Variants in CLEC16A observed in about 807,000 individuals in gnomAD.
CLEC16A encodes the protein protein CLEC16A.
A neutral mutation model predicts 109.5 loss-of-function variants in CLEC16A; 51 were observed. That is an observed-to-expected ratio of 0.47 (90% CI 0.37 to 0.59). The LOEUF (loss-of-function observed/expected upper bound fraction) is 0.59. CLEC16A is among the 20% of genes least tolerant of loss of function. The pLI is 0.00. For synonymous variants in CLEC16A, 673 were observed against 564.2 expected, an observed-to-expected ratio of 1.19 and a Z score of -2.73; for missense variants, 1,339 against 1,394.0, an observed-to-expected ratio of 0.96 and a Z score of 0.63.
intron 19 of CLEC16A, among the ~76,000 whole-genome samples, chr16:11,062,197 C>T (rs947567449): frequency 4.6e-5 from 7 of 152,006 alleles, no homozygotes; most frequent in African/African-American, 9.7e-5. Context: ...AGGGAAGAGG[C>T]GACCCTCAAA....
Position 11,180,978 on chromosome 16 carries a change from G to C in CLEC16A, c.*2288G>C, listed in dbSNP as rs1257892835. Reference sequence around the variant, plus strand: ...TGCATCCCTGGCCAAGAAAAGGGCAGTCCCCATGTGGGCTTGCAGGGTCAC... The same window carrying C: ...TGCATCCCTGGCCAAGAAAAGGGCACTCCCCATGTGGGCTTGCAGGGTCAC... On this transcript the variant is annotated 3_prime_UTR_variant, in exon 24 of 24. Transcript: ENST00000409790. 2 of 152,398 alleles carry C rather than the reference G, an allele frequency of 1.3e-5. No individual in the cohort carries two copies. Among genetic ancestry groups the C allele is most frequent in the Admixed American group, 6.5e-5 (1 of 15,288 alleles). The allele number at this position is 152,398 out of a possible 1,614,324, so 9.4% of individuals were successfully genotyped here.
intron 1 of CLEC16A, among the ~76,000 whole-genome samples, chr16:10,948,041 C>A (rs1008511391): frequency 6.6e-6 from 1 of 151,996 alleles, no homozygotes; most frequent in Non-Finnish European, 1.5e-5. Flanking sequence ...CTACAGGCGC[C>A]CGCCACCACG....
rs1293574305 is a variant in CLEC16A, at chr16:10,961,012, T to C, written c.210-1443T>C. On this transcript the variant is annotated intron_variant, in intron 2 of 23. Coordinates refer to ENST00000409790, the MANE Select transcript of CLEC16A (RefSeq NM_015226.3). The surrounding 1 kb of genome is among the most constrained non-coding windows in gnomAD (Gnocchi z 4.3). Reference sequence around the variant, plus strand: ...AATTGCCCACTCCCCTATGGAGTTTTAAAAAATCTAGGTTCATGGATTTTA... The same window carrying C: ...AATTGCCCACTCCCCTATGGAGTTTCAAAAAATCTAGGTTCATGGATTTTA... Among the ~76,000 whole-genome samples, 2 of 152,174 alleles carry C rather than the reference T, an allele frequency of 1.3e-5. No individual in the cohort carries two copies. Among genetic ancestry groups the C allele is most frequent in the East Asian group, 1.9e-4 (1 of 5,194 alleles).
chr16:11,155,749 G>A (rs2054487318), intron 22 of CLEC16A, among the ~76,000 whole-genome samples: 1 of 152,218 alleles, frequency 6.6e-6, no homozygotes, highest in Non-Finnish European at 1.5e-5. Flanking sequence ...CGGTAGGAGA[G>A]ACTTTGGTGA....
intron 19 of CLEC16A, among the ~76,000 whole-genome samples, chr16:11,077,713 G>A (rs1389713331): frequency 6.6e-6 from 1 of 152,228 alleles, no homozygotes; most frequent in Non-Finnish European, 1.5e-5. Context: ...TGGAGGGTGT[G>A]AGGGGTCTCT....
In CLEC16A at chr16:11,174,197, G is replaced by A. The variant is rs1428882157; in HGVS notation, c.2807-4138G>A. The A allele has an allele frequency of 1.1e-5, 5 of 469,702 alleles. No individual in the cohort carries two copies. The highest frequency in any genetic ancestry group is 6.9e-5 in the East Asian group (1 of 14,400). 29.1% of individuals were successfully genotyped at this position (469,702 alleles called of 1,614,324 possible). ...GACGCCGACGAGTGTTCAGCCTGTC[G>A]GAGGCCGACAGTCATGGCGGCCACT... On this transcript the variant is annotated intron_variant, in intron 23 of 23. Transcript: ENST00000409790. This position sits in a 1 kb window ranked among gnomAD's most constrained non-coding sequence, Gnocchi z 4.7.
At chr16:10,999,307 G>C (rs1260290080) in intron 10 of CLEC16A, among the ~76,000 whole-genome samples, 1 of 152,180 alleles carries the variant, frequency 6.6e-6, no homozygotes, top group Non-Finnish European at 1.5e-5. Flanking sequence ...AATAAAAAAA[G>C]TGTGCTTGTG....
chr16:11,095,310 T>C (rs567912522), intron 19 of CLEC16A, among the ~76,000 whole-genome samples: 8 of 152,328 alleles, frequency 5.3e-5, no homozygotes, highest in African/African-American at 1.9e-4. Context: ...GGGTCACGGC[T>C]GGAAAGGCCC....
intron 22 of CLEC16A, among the ~76,000 whole-genome samples, chr16:11,152,738 C>A (rs972277542): frequency 1.3e-5 from 2 of 152,238 alleles, no homozygotes; most frequent in Non-Finnish European, 2.9e-5. Context: ...AGCACCTGTC[C>A]TAATGACGTT....
intron 19 of CLEC16A, among the ~76,000 whole-genome samples, chr16:11,117,243 A>G (rs1375226830): frequency 6.6e-6 from 1 of 152,218 alleles, no homozygotes; most frequent in Non-Finnish European, 1.5e-5. Context: ...AAAAATTACT[A>G]AAACTCAAAC....
chr16:11,170,060 C>T (rs976299457), intron 23 of CLEC16A, among the ~76,000 whole-genome samples: 34 of 152,334 alleles, frequency 2.2e-4, no homozygotes, highest in African/African-American at 8.2e-4. Flanking sequence ...GCCTTGGCAG[C>T]CCTAAAGCCC....
chr16:11,065,606 G>C (rs1232730836), intron 19 of CLEC16A, among the ~76,000 whole-genome samples: 1 of 152,228 alleles, frequency 6.6e-6, no homozygotes, highest in Non-Finnish European at 1.5e-5. Context: ...TTAAGTAAAT[G>C]CATGATCACA....
chr16:11,125,127 G>A (rs1045905212), intron 21 of CLEC16A, among the ~76,000 whole-genome samples: 6 of 152,142 alleles, frequency 3.9e-5, no homozygotes, highest in Non-Finnish European at 5.9e-5. Context: ...GGGCGTTACC[G>A]ATGCGATGAT....
intron 19 of CLEC16A, among the ~76,000 whole-genome samples, chr16:11,073,757 C>A (rs77576098): frequency 1.3e-5 from 2 of 152,308 alleles, no homozygotes; most frequent in Non-Finnish European, 2.9e-5. Context: ...GTGCGCTTAC[C>A]GCTCTGTATA....
At chr16:11,020,823 A>T (rs1379689871) in intron 12 of CLEC16A, among the ~76,000 whole-genome samples, 1 of 152,156 alleles carries the variant, frequency 6.6e-6, no homozygotes, top group African/African-American at 2.4e-5. Context: ...CATTTCATCG[A>T]TGGCCATCTG....
chr16:11,165,998 A>G (rs79959774), intron 22 of CLEC16A, among the ~76,000 whole-genome samples: 3,233 of 152,184 alleles, frequency 0.021, 120 homozygotes, highest in African/African-American at 0.075. Flanking sequence ...CCTTCCTTGG[A>G]CACCATCAGC....
At chr16:11,159,800 G>C (rs1172401199) in intron 22 of CLEC16A, among the ~76,000 whole-genome samples, 1 of 152,154 alleles carries the variant, frequency 6.6e-6, no homozygotes, top group African/African-American at 2.4e-5. Context: ...AAGTCTTTCT[G>C]ATATAACTTT....
intron 19 of CLEC16A, among the ~76,000 whole-genome samples, chr16:11,112,680 TAC>T (rs1269440239): frequency 1.3e-5 from 2 of 151,736 alleles, no homozygotes; most frequent in African/African-American, 2.4e-5. Context: ...CATACATACA[TAC>T]ACACACACAT....
Position 11,133,180 on chromosome 16 carries a change from A to T in CLEC16A, c.2641+7034A>T, listed in dbSNP as rs572451768. Among the ~76,000 whole-genome samples, 11 of 152,212 alleles carry T rather than the reference A, an allele frequency of 7.2e-5. No homozygotes were observed. The East Asian group carries it at 2.1e-3, about 29-fold the overall frequency. On this transcript the variant is annotated intron_variant, in intron 22 of 23. Transcript: ENST00000409790. ...ATGGCGAAACCTCGTCTCTACTAAA[A>T]GTACAAAAATTATCCCAGTGTGGTG...
Sources: allele counts gnomAD v4.1 joint callset (sites outside exome capture counted in the v4.1 genomes callset), GRCh38; gene constraint gnomAD v4.1.1; non-coding constraint Gnocchi (gnomAD v3.1); transcripts MANE v1.5; gene names NCBI Gene and HGNC (gene_info 2026-07-23, HGNC 2026-07-21).